USP50: variants seen among roughly 807,000 people sequenced by gnomAD.
USP50 encodes ubiquitin carboxyl-terminal hydrolase 50.
In USP50, 37 loss-of-function variants were observed where a neutral mutation model predicts 39.2. That is an observed-to-expected ratio of 0.94 (90% CI 0.73 to 1.24). USP50 has a LOEUF of 1.24. Among genes scored for constraint, USP50 ranks in the 50% most tolerant of loss-of-function variants. USP50 has a pLI of 0.00. For missense variants in USP50, 374 were observed against 398.2 expected (o/e 0.94, Z 0.52); for synonymous variants, 139 against 144.5 (o/e 0.96, Z 0.27).
downstream of USP50, chr15:50,493,177 C>A: frequency 1.8e-6 from 1 of 550,484 alleles, no homozygotes. Flanking sequence ...GAGCCCTAAA[C>A]GGCACCTAAT....
At chr15:50,537,705 TAAG>T (rs753011359) in intron 5 of USP50, among the ~76,000 whole-genome samples, 26 of 149,910 alleles carry the variant, frequency 1.7e-4, no homozygotes, top group Non-Finnish European at 3.6e-4. Flanking sequence ...CCAAAAAAAA[TAAG>T]AATTAGCTGG....
chr15:50,541,934 G>A (rs893421410), intron 3 of USP50, among the ~76,000 whole-genome samples: 1 of 151,920 alleles, frequency 6.6e-6, no homozygotes, highest in African/African-American at 2.4e-5. Flanking sequence ...GCAAATCTTG[G>A]CCAGGCATGG....
At chr15:50,514,866 C>T (rs1223498180) in intron 6 of USP50, among the ~76,000 whole-genome samples, 3 of 151,588 alleles carry the variant, frequency 2.0e-5, no homozygotes, top group Admixed American at 1.3e-4. Flanking sequence ...CATGATGGCA[C>T]TTGCCTGTCG....
intron 5 of USP50, among the ~76,000 whole-genome samples, chr15:50,532,533 C>A (rs749313479): frequency 6.6e-6 from 1 of 152,064 alleles, no homozygotes; most frequent in Non-Finnish European, 1.5e-5. Flanking sequence ...GCCTTACCAC[C>A]CCATCATTAA....
At chr15:50,529,328 A>C (rs1000782069) in intron 6 of USP50, among the ~76,000 whole-genome samples, 3 of 150,506 alleles carry the variant, frequency 2.0e-5, no homozygotes, top group Non-Finnish European at 4.4e-5. Context: ...TGGGCAGCAT[A>C]GTGAAACCTC....
rs187698588 is a variant in USP50 at position 50,531,097 on chromosome 15, A to G, written c.804-1168T>C. Among the ~76,000 whole-genome samples the G allele has an allele frequency of 1.2e-4, 19 of 152,228 alleles. No homozygotes were observed. In the East Asian group the frequency reaches 3.5e-3, roughly 28 times the overall value. ...TATGTTCATTTTGGAAAAATGGCTG[A>G]TGGAGGTCTGAGGCCGGGAAATTAC... On this transcript the variant is annotated intron_variant, in intron 5 of 6. Transcript: ENST00000532404.
At chr15:50,500,093 A>AAAAT (rs1340341682), downstream of USP50, 2 of 152,184 alleles carry the variant, frequency 1.3e-5, no homozygotes, top group Admixed American at 6.5e-5. Context: ...ACTCCATATA[A>AAAAT]AAATAAGATT....
chr15:50,528,073 T>A (rs924274946), intron 6 of USP50, among the ~76,000 whole-genome samples: 1 of 148,590 alleles, frequency 6.7e-6, no homozygotes, highest in Non-Finnish European at 1.5e-5. Context: ...AAGTTTTTTT[T>A]TTTTTTTTTT....
At chr15:50,499,129 A>G, downstream of USP50, 1 of 1,527,984 alleles carries the variant, frequency 6.5e-7, no homozygotes, top group Non-Finnish European at 8.8e-7. Flanking sequence ...TAAAAGGCTC[A>G]GCAACACAAC....
At chr15:50,531,833 A>G (rs939811374) in intron 5 of USP50, among the ~76,000 whole-genome samples, 2 of 152,174 alleles carry the variant, frequency 1.3e-5, no homozygotes, top group Non-Finnish European at 2.9e-5. Flanking sequence ...TTCTGTCCTA[A>G]CAAGTTAAAA....
At chr15:50,496,047 C>G, downstream of USP50, 3 of 1,613,698 alleles carry the variant, frequency 1.9e-6, no homozygotes, top group Non-Finnish European at 2.5e-6. Flanking sequence ...ATGTATTTGT[C>G]TCTACCACTA....
chr15:50,523,759 A>T (rs2141365255), intron 6 of USP50, among the ~76,000 whole-genome samples: 1 of 152,306 alleles, frequency 6.6e-6, no homozygotes, highest in Non-Finnish European at 1.5e-5. Flanking sequence ...TCCAATGAAA[A>T]TTTTACAGAA....
chr15:50,543,903 C>T (rs946711410), intron 2 of USP50, 110 bp from the exon 3 acceptor site: 21 of 1,086,394 alleles, frequency 1.9e-5, no homozygotes, highest in Non-Finnish European at 2.3e-5. Context: ...TGTCTCATGC[C>T]TGTAACCCCA....
chr15:50,504,172 T>C (rs1056236713), intron 6 of USP50: 2 of 152,146 alleles, frequency 1.3e-5, no homozygotes, highest in African/African-American at 4.8e-5. Flanking sequence ...GTATTAGATA[T>C]TATAAGTAAT....
chr15:50,510,466 T>C (rs984838722), intron 6 of USP50: 10 of 151,676 alleles, frequency 6.6e-5, no homozygotes, highest in South Asian at 2.1e-4. Context: ...TGAAAAAAAA[T>C]GCTACTAAAA....
intron 6 of USP50, chr15:50,513,087 T>C (rs2052758584): frequency 6.6e-6 from 1 of 152,208 alleles, no homozygotes; most frequent in South Asian, 2.1e-4. Context: ...GATAATTTTG[T>C]ATCCATTAGA....
intron 6 of USP50, among the ~76,000 whole-genome samples, chr15:50,519,194 G>A (rs1017179378): frequency 6.6e-6 from 1 of 152,110 alleles, no homozygotes; most frequent in Non-Finnish European, 1.5e-5. Flanking sequence ...GGTTGAGGTG[G>A]GAGAATCCCT....
At chr15:50,509,802 A>G (rs1229625917) in intron 6 of USP50, 1 of 152,228 alleles carries the variant, frequency 6.6e-6, no homozygotes, top group Non-Finnish European at 1.5e-5. Flanking sequence ...GATGAAATAG[A>G]CAAATATCTG....
chr15:50,538,298 AAAGAC>A (rs1470293916), intron 5 of USP50, among the ~76,000 whole-genome samples: 2 of 150,084 alleles, frequency 1.3e-5, no homozygotes, highest in African/African-American at 4.9e-5. Flanking sequence ...AAAAAAAAAA[AAAGAC>A]AGAAAAAGAA....
Sources: allele counts gnomAD v4.1 joint callset (sites outside exome capture counted in the v4.1 genomes callset), GRCh38; gene constraint gnomAD v4.1.1; transcripts MANE v1.5; gene names NCBI Gene and HGNC (gene_info 2026-07-23, HGNC 2026-07-21).